Variants in PLEKHA8 observed in about 807,000 individuals in gnomAD.
The protein encoded by PLEKHA8 is pleckstrin homology domain-containing family A member 8.
PLEKHA8 carries 36 observed loss-of-function variants against 68.2 expected under a neutral mutation model. The ratio of observed to expected loss-of-function variants is 0.53; its 90% confidence interval spans 0.40 to 0.70. PLEKHA8 has a LOEUF of 0.70. Among genes scored for constraint, PLEKHA8 ranks in the 30% least tolerant of loss-of-function variants. PLEKHA8 has a pLI of 0.00. For synonymous variants in PLEKHA8, 211 were observed against 216.1 expected, an observed-to-expected ratio of 0.98 and a Z score of 0.20; for missense variants, 505 against 615.4, an observed-to-expected ratio of 0.82 and a Z score of 1.90.
chr7:30,116,750 C>T (rs567419916), intron 13 of PLEKHA8, among the ~76,000 whole-genome samples: 1 of 152,322 alleles, frequency 6.6e-6, no homozygotes, highest in Non-Finnish European at 1.5e-5. Context: ...GCTACTCCCC[C>T]ATTCTGGCTT....
chr7:30,060,839 C>G (rs749550244), intron 9 of PLEKHA8, 45 bp from the exon 10 acceptor site: 3 of 1,530,688 alleles, frequency 2.0e-6, no homozygotes, highest in Non-Finnish European at 2.7e-6. Context: ...AATATTGCCA[C>G]TTAAAAATTG....
Position 30,028,762 on chromosome 7 carries a change from C to G in PLEKHA8, c.-1C>G. On this transcript the variant is annotated 5_prime_UTR_variant, in exon 1 of 14. Transcript: ENST00000449726. ...GCGTGGGCCGAGTGGCCGCGGGCGCCATGGAGGGGGTGCTGTACAAGTGGA... is the reference window on the plus strand; with the variant it reads ...GCGTGGGCCGAGTGGCCGCGGGCGCGATGGAGGGGGTGCTGTACAAGTGGA... 7.9e-7 allele frequency: 1 copy of G among 1,268,230 alleles called. No individual in the cohort carries two copies. Among genetic ancestry groups the G allele is most frequent in the Non-Finnish European group, 1.0e-6 (1 of 1,001,046 alleles). 78.6% of individuals were successfully genotyped at this position (1,268,230 alleles called of 1,614,324 possible).
chr7:30,061,083 CTG>C (rs1450753358), intron 10 of PLEKHA8, 141 bp downstream of exon 10: 6 of 730,724 alleles, frequency 8.2e-6, no homozygotes, highest in African/African-American at 3.6e-5. Flanking sequence ...TCTTCTCACA[CTG>C]TGAATGCTCA....
chr7:30,059,685 G>T (rs537368672), intron 9 of PLEKHA8, among the ~76,000 whole-genome samples: 27 of 140,384 alleles, frequency 1.9e-4, no homozygotes, highest in African/African-American at 5.8e-4. Context: ...TTTTTTTTAA[G>T]AATTCCTCTA....
intron 12 of PLEKHA8, among the ~76,000 whole-genome samples, chr7:30,064,072 G>A (rs1793647318): frequency 6.6e-6 from 1 of 152,218 alleles, no homozygotes; most frequent in South Asian, 2.1e-4. Flanking sequence ...TGTAGGATCA[G>A]GAGCTCTGGA....
chr7:30,090,216 T>C, exon 13 of PLEKHA8: 1 of 1,544,638 alleles, frequency 6.5e-7, no homozygotes. Flanking sequence ...ACTTCAAGAA[T>C]GAAGAAAGAA....
At chr7:30,062,363 C>A (rs1261519145) in intron 11 of PLEKHA8, among the ~76,000 whole-genome samples, 2 of 152,142 alleles carry the variant, frequency 1.3e-5, no homozygotes, top group African/African-American at 4.8e-5. Flanking sequence ...GTTTCTGATT[C>A]AGTAACTCGG....
At chr7:30,108,602 T>G (rs1253389783) in intron 13 of PLEKHA8, among the ~76,000 whole-genome samples, 1 of 152,142 alleles carries the variant, frequency 6.6e-6, no homozygotes, top group Non-Finnish European at 1.5e-5. Context: ...TTCTGTTAGG[T>G]TGTATATTTC....
Position 30,048,306 on chromosome 7 carries a change from TC to T in PLEKHA8, c.438+352del, listed in dbSNP as rs542356409. On this transcript the variant is annotated intron_variant, in intron 4 of 13. Transcript: ENST00000449726. ...ACTGTCATACTAAAATATGTTTCTC[TC>T]CAGTTTATATTGTTTTGTTAATTAC... Among the ~76,000 whole-genome samples, 263 of 152,328 alleles carry T rather than the reference TC, an allele frequency of 1.7e-3. 1 individual carries two copies. Among genetic ancestry groups the T allele is most frequent in the Non-Finnish European group, 3.0e-3 (207 of 68,020 alleles).
At chr7:30,049,632 G>A (rs1792249121) in intron 5 of PLEKHA8, among the ~76,000 whole-genome samples, 1 of 152,148 alleles carries the variant, frequency 6.6e-6, no homozygotes, top group Non-Finnish European at 1.5e-5. Flanking sequence ...CTTGCCTAAA[G>A]TTGTGATAGT....
chr7:30,063,104 A>G (rs1477225812), intron 12 of PLEKHA8, among the ~76,000 whole-genome samples: 2 of 152,230 alleles, frequency 1.3e-5, no homozygotes, highest in African/African-American at 2.4e-5. Flanking sequence ...CTTGAACACC[A>G]TAACAGCGGG....
chr7:30,124,779 T>TATG (rs995148076), intron 13 of PLEKHA8, among the ~76,000 whole-genome samples: 1 of 152,182 alleles, frequency 6.6e-6, no homozygotes, highest in Non-Finnish European at 1.5e-5. Flanking sequence ...TGTTGCCTTC[T>TATG]ATGTTTATTT....
downstream of PLEKHA8, among the ~76,000 whole-genome samples, chr7:30,085,350 G>T (rs185874355): frequency 6.6e-6 from 1 of 152,258 alleles, no homozygotes; most frequent in African/African-American, 2.4e-5. Flanking sequence ...ATTCGAGAAA[G>T]GCTCGCTCCT....
chr7:30,086,914 A>G (rs1398891026), downstream of PLEKHA8, among the ~76,000 whole-genome samples: 1 of 152,224 alleles, frequency 6.6e-6, no homozygotes, highest in African/African-American at 2.4e-5. Flanking sequence ...GGCACAAAAT[A>G]GAGATAACCA....
At chr7:30,106,849 C>T (rs908122552) in intron 13 of PLEKHA8, among the ~76,000 whole-genome samples, 9 of 152,206 alleles carry the variant, frequency 5.9e-5, no homozygotes, top group East Asian at 1.9e-4. Flanking sequence ...TTAAAATGTA[C>T]GGGAGGATGC....
In PLEKHA8 at chr7:30,080,670, A is replaced by AG; in HGVS notation, c.*1889dup. 4.1e-6 allele frequency: 4 copies of AG among 985,158 alleles called. No homozygotes were observed. The highest frequency in any genetic ancestry group is 4.8e-6 in the Non-Finnish European group (4 of 829,738). 61.0% of individuals were successfully genotyped at this position (985,158 alleles called of 1,614,324 possible). ...CATGTTTTAAAGCTAGGGAGAAAGA[A>AG]GGGGGGTATTAAAATGATGTTGATT... On this transcript the variant is annotated 3_prime_UTR_variant, in exon 14 of 14. Coordinates refer to ENST00000449726, the MANE Select transcript of PLEKHA8 (RefSeq NM_001197026.2).
Position 30,083,477 on chromosome 7 carries a change from C to G in PLEKHA8, c.*4690C>G, listed in dbSNP as rs538211467. The G allele has an allele frequency of 1.0e-6, 1 of 985,060 alleles. No homozygotes were observed. Among genetic ancestry groups the G allele is most frequent in the East Asian group, 1.1e-4 (1 of 8,820 alleles). 61.0% of individuals were successfully genotyped at this position (985,060 alleles called of 1,614,324 possible). ...CAATTCCCATCCTGTCTCAGACAGT[C>G]AATAGTCCTGTGTACAGTGACTATT... On this transcript the variant is annotated 3_prime_UTR_variant, in exon 14 of 14. Coordinates refer to ENST00000449726, the MANE Select transcript of PLEKHA8 (RefSeq NM_001197026.2).
rs1583479735 is a variant in PLEKHA8 at position 30,110,914 on chromosome 7, T to G, written c.1363-18352T>G. Among the ~76,000 whole-genome samples, 3 of 151,926 alleles carry G rather than the reference T, an allele frequency of 2.0e-5. No homozygotes were observed. In the South Asian group the frequency reaches 6.2e-4, roughly 32 times the overall value. ...GTGTTTTCTTATTTTGAGGTTGTTT[T>G]TTTTTTTTTTCACGGAGTCTCACTC... is the stretch of plus-strand genomic sequence containing the variant. On this transcript the variant is annotated intron_variant, in intron 13 of 13. Transcript: ENST00000396257.
At chr7:30,072,155 T>A (rs971227112) in intron 12 of PLEKHA8, 3 of 152,234 alleles carry the variant, frequency 2.0e-5, no homozygotes, top group African/African-American at 7.2e-5. Flanking sequence ...TGGGTTCTCC[T>A]TTAGGCTCTA....
Sources: gnomAD v4.1 joint callset for allele counts (sites outside exome capture counted in the v4.1 genomes callset) on GRCh38, gnomAD v4.1.1 for gene constraint, MANE v1.5 for transcripts, NCBI Gene and HGNC (gene_info 2026-07-23, HGNC 2026-07-21) for gene names.